Variants in KIF19 observed in about 807,000 individuals in gnomAD.
KIF19 encodes the protein kinesin-like protein KIF19.
A neutral mutation model predicts 106.6 loss-of-function variants in KIF19; 98 were observed. The ratio of observed to expected loss-of-function variants is 0.92; its 90% CI spans 0.78 to 1.09. KIF19 has a LOEUF of 1.09. Among genes scored for constraint, KIF19 ranks in the 50% least tolerant of loss-of-function variants. KIF19 has a pLI of 0.00. For missense variants in KIF19, 1,373 were observed against 1,414.3 expected (o/e 0.97, Z 0.47); for synonymous variants, 516 against 584.2 (o/e 0.88, Z 1.68).
At chr17:74,347,423 G>T (rs2054564130) in intron 8 of KIF19, among the ~76,000 whole-genome samples, 1 of 152,014 alleles carries the variant, frequency 6.6e-6, no homozygotes, top group Non-Finnish European at 1.5e-5. Flanking sequence ...TATAGTCCCA[G>T]CTACTCGAGA....
Position 74,353,486 on chromosome 17 carries a change from C to T in KIF19, c.2221-8C>T. 1.2e-6 allele frequency: 2 copies of T among 1,613,460 alleles called. No homozygotes were observed. The highest frequency in any genetic ancestry group is 1.7e-6 in the Non-Finnish European group (2 of 1,179,530). On this transcript the variant is annotated splice_polypyrimidine_tract_variant and splice_region_variant and intron_variant, in intron 16 of 19. Coordinates refer to ENST00000389916, the MANE Select transcript of KIF19 (RefSeq NM_153209.4). ...GGGTTTCCTCCTCCCAACCACTCCACCCCACAGGCCCCGGCTCAGGACAGC... is the reference window on the plus strand; with the variant it reads ...GGGTTTCCTCCTCCCAACCACTCCATCCCACAGGCCCCGGCTCAGGACAGC...
chr17:74,349,155 C>T, intron 9 of KIF19, 29 bp from the exon 10 acceptor site: 1 of 1,612,782 alleles, frequency 6.2e-7, no homozygotes, highest in Non-Finnish European at 8.5e-7. Context: ...GTGACTGCAT[C>T]CCCTCCGCTC....
At position 74,347,553 on chromosome 17, in the gene KIF19, G is replaced by A. The variant is rs867995614; in HGVS notation, c.925-224G>A. Among the ~76,000 whole-genome samples, 663 of 139,534 alleles carry A rather than the reference G, an allele frequency of 4.8e-3. 4 individuals are homozygous for A. The highest frequency in any genetic ancestry group is 0.017 in the African/African-American group (619 of 37,176). The allele number at this position is 139,534 out of a possible 152,430, so 91.5% of individuals were successfully genotyped here. A position where few individuals can be genotyped will look rare whatever the true frequency, so the allele number is the denominator to read the frequency against. On this transcript the variant is annotated intron_variant, in intron 8 of 19. Coordinates refer to ENST00000389916, the MANE Select transcript of KIF19 (RefSeq NM_153209.4). ...CCCTGTCTCAAAAAAAAAAAAAAAAGAACTAAAGAGGTGAATGAGCTTTAT... is the reference window on the plus strand; with the variant it reads ...CCCTGTCTCAAAAAAAAAAAAAAAAAAACTAAAGAGGTGAATGAGCTTTAT...
At chr17:74,336,225 C>T (rs1466538655) in intron 2 of KIF19, among the ~76,000 whole-genome samples, 1 of 152,128 alleles carries the variant, frequency 6.6e-6, no homozygotes, top group Admixed American at 6.5e-5. Flanking sequence ...TGTACCACCA[C>T]ACCCAGCTAA....
Position 74,344,364 on chromosome 17 carries a change from C to A in KIF19, c.582+16C>A, listed in dbSNP as rs201740394. The A allele has an allele frequency of 6.2e-7, 1 of 1,609,958 alleles. No homozygotes were observed. Among genetic ancestry groups the A allele is most frequent in the Admixed American group, 1.7e-5 (1 of 59,566 alleles). On this transcript the variant is annotated intron_variant, in intron 6 of 19. Transcript: ENST00000389916. Reference sequence around the variant, plus strand: ...TGCCAAGGAGGCGAGTTTTGTGTGGCCAGCCTGGAGCCGCTGAGAGGAAGC... The same window carrying A: ...TGCCAAGGAGGCGAGTTTTGTGTGGACAGCCTGGAGCCGCTGAGAGGAAGC...
chr17:74,334,397 G>A (rs1473129441), intron 2 of KIF19, among the ~76,000 whole-genome samples: 1 of 152,162 alleles, frequency 6.6e-6, no homozygotes, highest in African/African-American at 2.4e-5. Flanking sequence ...TAAGCTCCCT[G>A]GGTGACTCAG....
rs907018811 is a variant in KIF19, at chr17:74,346,253, C to G, written c.778-125C>G. 1 of 1,088,210 alleles carries G rather than the reference C, an allele frequency of 9.2e-7. No homozygotes were observed. Among genetic ancestry groups the G allele is most frequent in the East Asian group, 2.6e-5 (1 of 38,280 alleles). The allele number at this position is 1,088,210 out of a possible 1,614,324, so 67.4% of individuals were successfully genotyped here. On this transcript the variant is annotated intron_variant, in intron 7 of 19. Coordinates refer to ENST00000389916, the MANE Select transcript of KIF19 (RefSeq NM_153209.4). The surrounding 1 kb of genome is among the most constrained non-coding windows in gnomAD (Gnocchi z 4.6). ...GCCCTCAGTGGCCTTGGCAGGAGGA[C>G]GGCCACAAGGTCCTTGGGGGTTTAT... is the stretch of plus-strand genomic sequence containing the variant.
chr17:74,337,171 C>T (rs1453163521), intron 2 of KIF19, among the ~76,000 whole-genome samples: 1 of 152,162 alleles, frequency 6.6e-6, no homozygotes, highest in Admixed American at 6.5e-5. Flanking sequence ...AAAACACACG[C>T]CAAGCCCTTG....
rs1395724671 is a variant in KIF19 at position 74,331,017 on chromosome 17, C to T, written c.120+2512C>T. ...AGCAGCCATAACTGCCAGGCTGGGA[C>T]CCTTCTAGTAACAAACACTGTCCCT... On this transcript the variant is annotated intron_variant, in intron 2 of 19. Coordinates refer to ENST00000389916, the MANE Select transcript of KIF19 (RefSeq NM_153209.4). This position sits in a 1 kb window ranked among gnomAD's most constrained non-coding sequence, Gnocchi z 4.1. Among the ~76,000 whole-genome samples, 1 of 152,134 alleles carries T rather than the reference C, an allele frequency of 6.6e-6. No homozygotes were observed. Among genetic ancestry groups the T allele is most frequent in the African/African-American group, 2.4e-5 (1 of 41,424 alleles).
intron 2 of KIF19, among the ~76,000 whole-genome samples, chr17:74,333,279 G>A (rs1340738969): frequency 6.6e-6 from 1 of 152,112 alleles, no homozygotes; most frequent in Non-Finnish European, 1.5e-5. Flanking sequence ...CCAGCCCCAG[G>A]CAGCCACTAA....
At chr17:74,337,341 TG>T (rs67046979) in intron 2 of KIF19, among the ~76,000 whole-genome samples, 6 of 105,194 alleles carry the variant, frequency 5.7e-5, no homozygotes, top group East Asian at 3.5e-4. Flanking sequence ...GCTCACGGGG[TG>T]GGGGGGGTGC....
At chr17:74,341,554 C>T (rs576080295) in intron 2 of KIF19, among the ~76,000 whole-genome samples, 6 of 152,106 alleles carry the variant, frequency 3.9e-5, no homozygotes, top group Non-Finnish European at 7.4e-5. Context: ...GGCAATTGCT[C>T]GTTGTCAGGA....
intron 5 of KIF19, among the ~76,000 whole-genome samples, chr17:74,343,763 A>G (rs1199062891): frequency 7.2e-5 from 11 of 152,352 alleles, no homozygotes; most frequent in African/African-American, 2.6e-4. Context: ...TGATTCAGCC[A>G]GCAAGACTCG....
intron 1 of KIF19, among the ~76,000 whole-genome samples, chr17:74,326,954 A>G (rs2053930536): frequency 6.6e-6 from 1 of 152,202 alleles, no homozygotes; most frequent in South Asian, 2.1e-4. Context: ...ATGGCCCCAC[A>G]GAGCCCTGGG....
chr17:74,333,361 A>ATT (rs35232394), intron 2 of KIF19, among the ~76,000 whole-genome samples: 2,944 of 129,408 alleles, frequency 0.023, 121 homozygotes, highest in East Asian at 0.084. Flanking sequence ...TGTGGTCCTA[A>ATT]TTTTTTTTTT....
chr17:74,332,208 GTT>G (rs566652552), intron 2 of KIF19, among the ~76,000 whole-genome samples: 1,137 of 48,206 alleles, frequency 0.024, 17 homozygotes, highest in African/African-American at 0.077. Flanking sequence ...GTGTGTGTGT[GTT>G]TGTGTGTGTG....
Position 74,355,427 on chromosome 17 carries a change from A to C in KIF19, c.*115A>C, listed in dbSNP as rs2054856599. On this transcript the variant is annotated 3_prime_UTR_variant, in exon 20 of 20. Coordinates refer to ENST00000389916, the MANE Select transcript of KIF19 (RefSeq NM_153209.4). ...GACCAGGAAGTAAGCTCAGGATCTC[A>C]GCAGGCCAGGGCTCCTGAGACCCAG... 1,876 of 1,279,874 alleles carry C rather than the reference A, an allele frequency of 1.5e-3. No homozygotes were observed. Among genetic ancestry groups the C allele is most frequent in the Non-Finnish European group, 1.7e-3 (1,625 of 958,992 alleles). The allele number at this position is 1,279,874 out of a possible 1,614,324, so 79.3% of individuals were successfully genotyped here.
intron 6 of KIF19, 141 bp from the exon 7 acceptor site, chr17:74,344,620 A>C: frequency 1.1e-6 from 1 of 950,640 alleles, no homozygotes; most frequent in Non-Finnish European, 1.5e-6. Context: ...GCCTCTCAGC[A>C]CACGGAGCCC....
intron 2 of KIF19, among the ~76,000 whole-genome samples, chr17:74,333,031 A>T (rs1276944905): frequency 6.6e-6 from 1 of 152,200 alleles, no homozygotes; most frequent in Non-Finnish European, 1.5e-5. Context: ...AAAGATAAAT[A>T]AAGTATAAGG....
Sources: gnomAD v4.1 joint callset for allele counts (sites outside exome capture counted in the v4.1 genomes callset) on GRCh38, gnomAD v4.1.1 for gene constraint, Gnocchi (gnomAD v3.1) non-coding constraint, MANE v1.5 for transcripts, NCBI Gene and HGNC (gene_info 2026-07-23, HGNC 2026-07-21) for gene names.